SNAP47: variants seen among roughly 807,000 people sequenced by gnomAD.
SNAP47 encodes the protein synaptosomal-associated protein 47.
A neutral mutation model predicts 31.4 loss-of-function variants in SNAP47; 20 were observed. The ratio of observed to expected loss-of-function variants is 0.64; its 90% CI spans 0.45 to 0.93. SNAP47 has a LOEUF of 0.93. Ranked by LOEUF, SNAP47 falls within the 40% of genes least tolerant of loss-of-function variation. SNAP47 has a pLI of 0.00. For synonymous variants in SNAP47, 194 were observed against 213.4 expected (o/e 0.91, Z 0.79); for missense variants, 492 against 528.5 (o/e 0.93, Z 0.68).
In SNAP47 at chr1:227,763,795, G is replaced by A. The variant is rs764985109; in HGVS notation, c.989-3164G>A. Among the ~76,000 whole-genome samples the A allele has an allele frequency of 6.6e-6, 1 of 152,196 alleles. No individual in the cohort carries two copies. The highest frequency in any genetic ancestry group is 1.5e-5 in the Non-Finnish European group (1 of 68,036). On this transcript the variant is annotated intron_variant, in intron 3 of 4. Transcript: ENST00000617596. This position sits in a 1 kb window ranked among gnomAD's most constrained non-coding sequence, Gnocchi z 4.2. The stretch of plus-strand genomic sequence containing the variant: ...CTAGGCCCAGCAGAGGCCTTTCCTG[G>A]GTGACAGGTGAGTGTTGGAGGCCAG...
intron 3 of SNAP47, among the ~76,000 whole-genome samples, chr1:227,765,398 G>C (rs1663330074): frequency 6.6e-6 from 1 of 152,232 alleles, no homozygotes; most frequent in South Asian, 2.1e-4. Flanking sequence ...CACATCCTCT[G>C]AGTTTGTGGC....
chr1:227,742,637 T>A (rs1661684780), intron 1 of SNAP47, among the ~76,000 whole-genome samples: 2 of 152,214 alleles, frequency 1.3e-5, no homozygotes, highest in South Asian at 4.1e-4. Flanking sequence ...CCACACCGTG[T>A]CTAGCTCTCT....
chr1:227,728,414 G>GGCCCCGCCGCCCGCCCTGCCT (rs1436532024), upstream of SNAP47: 2 of 151,344 alleles, frequency 1.3e-5, no homozygotes, highest in East Asian at 2.0e-4. Context: ...GGTCGTCCTG[G>GGCCCCGCCGCCCGCCCTGCCT]GCCCCGCCGC....
At chr1:227,735,226 C>T (rs781766280), upstream of SNAP47, 2 of 1,596,280 alleles carry the variant, frequency 1.3e-6, no homozygotes, top group African/African-American at 1.3e-5. Flanking sequence ...CATCGACCCC[C>T]AGGCCTCGGA....
chr1:227,749,234 T>A (rs1662183151), intron 2 of SNAP47, among the ~76,000 whole-genome samples: 1 of 151,992 alleles, frequency 6.6e-6, no homozygotes, highest in Non-Finnish European at 1.5e-5. Flanking sequence ...ATGGTGTGTG[T>A]GGGGCTGAGG....
chr1:227,772,140 G>C (rs1572049165), intron 4 of SNAP47, among the ~76,000 whole-genome samples: 1 of 152,196 alleles, frequency 6.6e-6, no homozygotes, highest in Admixed American at 6.5e-5. Flanking sequence ...TGGAGGCCCT[G>C]GCTGTGGAAG....
chr1:227,749,416 C>T (rs1662198111), intron 2 of SNAP47, among the ~76,000 whole-genome samples: 1 of 152,166 alleles, frequency 6.6e-6, no homozygotes. Context: ...TGGGTGGGTC[C>T]ATCTGGGAGC....
At chr1:227,778,466 A>G (rs1204409718) in intron 4 of SNAP47, among the ~76,000 whole-genome samples, 3 of 152,220 alleles carry the variant, frequency 2.0e-5, no homozygotes, top group South Asian at 2.1e-4. Context: ...TTGACGAGGG[A>G]CATAGGGACT....
At chr1:227,731,144 C>T (rs886618365), upstream of SNAP47, 1 of 152,286 alleles carries the variant, frequency 6.6e-6, no homozygotes, top group Admixed American at 6.5e-5. Flanking sequence ...ACCAGGGGTC[C>T]CCGGGAGCTA....
intron 1 of SNAP47, chr1:227,747,289 G>T (rs1662028080): frequency 5.8e-6 from 1 of 173,848 alleles, no homozygotes; most frequent in African/African-American, 2.4e-5. Context: ...GTACGTCCTG[G>T]GACTGAGGTC....
chr1:227,751,744 G>A (rs1410477809), intron 2 of SNAP47, among the ~76,000 whole-genome samples: 1 of 69,138 alleles, frequency 1.4e-5, no homozygotes, highest in East Asian at 4.5e-4. Flanking sequence ...TAAAGACTTG[G>A]TTTTTTTTTT....
At chr1:227,777,407 G>C (rs1572059095) in intron 4 of SNAP47, among the ~76,000 whole-genome samples, 2 of 152,180 alleles carry the variant, frequency 1.3e-5, no homozygotes, top group East Asian at 3.9e-4. Flanking sequence ...GTGTGGGGCT[G>C]TTGGGGTCTG....
intron 1 of SNAP47, among the ~76,000 whole-genome samples, chr1:227,729,074 C>T (rs1326596504): frequency 6.6e-6 from 1 of 152,226 alleles, no homozygotes; most frequent in Non-Finnish European, 1.5e-5. Context: ...TGTGCGTCTG[C>T]AGGATTCTGC....
At chr1:227,742,731 A>G (rs931741737) in intron 1 of SNAP47, among the ~76,000 whole-genome samples, 7 of 152,174 alleles carry the variant, frequency 4.6e-5, no homozygotes, top group Non-Finnish European at 8.8e-5. Flanking sequence ...TTCAGCCAGG[A>G]GCATGGGCAC....
intron 4 of SNAP47, among the ~76,000 whole-genome samples, chr1:227,775,123 G>A (rs1664075508): frequency 6.6e-6 from 1 of 152,200 alleles, no homozygotes; most frequent in South Asian, 2.1e-4. Flanking sequence ...TGGCCTCCAG[G>A]AATGCAGCGG....
At position 227,780,970 on chromosome 1, in the gene SNAP47, G is replaced by T. The variant is rs146464689; in HGVS notation, c.*297G>T. On this transcript the variant is annotated 3_prime_UTR_variant, in exon 5 of 5. Coordinates refer to ENST00000617596, the MANE Select transcript of SNAP47 (RefSeq NM_053052.4). ...ACTTGGCACAGGCCTGGAAGAGGCC[G>T]CCCTCGTCTTGTCTCGGCTCCCTTT... 6.0e-5 allele frequency: 24 copies of T among 400,806 alleles called. No homozygotes were observed. The highest frequency in any genetic ancestry group is 4.6e-4 in the African/African-American group (23 of 49,654). 24.8% of individuals were successfully genotyped at this position (400,806 alleles called of 1,614,324 possible).
intron 2 of SNAP47, among the ~76,000 whole-genome samples, chr1:227,749,888 T>C (rs1662234739): frequency 6.6e-6 from 1 of 152,228 alleles, no homozygotes; most frequent in Admixed American, 6.5e-5. Context: ...TTCAATTACT[T>C]TTATTATTTC....
At chr1:227,753,037 C>T (rs12077397) in intron 2 of SNAP47, among the ~76,000 whole-genome samples, 35,256 of 152,066 alleles carry the variant, frequency 0.23, 4,224 homozygotes, top group African/African-American at 0.26. Flanking sequence ...CCTGTTTTCC[C>T]AAGGCATTTT....
chr1:227,748,591 A>T (rs912028014), intron 2 of SNAP47, among the ~76,000 whole-genome samples: 1 of 152,164 alleles, frequency 6.6e-6, no homozygotes, highest in Non-Finnish European at 1.5e-5. Flanking sequence ...TCTGGCTCCT[A>T]TGTGGTGATG....
Sources: gnomAD v4.1 joint callset for allele counts (sites outside exome capture counted in the v4.1 genomes callset) on GRCh38, gnomAD v4.1.1 for gene constraint, Gnocchi (gnomAD v3.1) non-coding constraint, MANE v1.5 for transcripts, NCBI Gene and HGNC (gene_info 2026-07-23, HGNC 2026-07-21) for gene names.